PTK2: variants seen among roughly 807,000 people sequenced by gnomAD.
PTK2 encodes the protein protein tyrosine kinase 2.
PTK2 carries 45 observed loss-of-function variants against 150.1 expected under a neutral mutation model. The observed-to-expected ratio is 0.30, with a 90% CI of 0.24 to 0.38. The LOEUF (loss-of-function observed/expected upper bound fraction) is 0.38. Among genes scored for constraint, PTK2 ranks in the 10% least tolerant of loss-of-function variants. PTK2 has a pLI of 1.00. For missense variants in PTK2, 919 were observed against 1,307.3 expected (o/e 0.70, Z 4.58); for synonymous variants, 432 against 449.2 (o/e 0.96, Z 0.48).
chr8:140,670,479 A>AAC (rs2094913718), intron 29 of PTK2, among the ~76,000 whole-genome samples: 1 of 59,714 alleles, frequency 1.7e-5, no homozygotes, highest in African/African-American at 5.6e-5. Flanking sequence ...AAAAAAAAAA[A>AAC]AAAACAACAA....
chr8:140,883,826 G>A (rs1048507681), intron 3 of PTK2, among the ~76,000 whole-genome samples: 3 of 151,772 alleles, frequency 2.0e-5, no homozygotes, highest in Non-Finnish European at 4.4e-5. Context: ...ACAAACTTGG[G>A]AGCTTAAAAC....
chr8:140,748,782 T>C (rs1356442957), intron 17 of PTK2, among the ~76,000 whole-genome samples: 4 of 152,194 alleles, frequency 2.6e-5, no homozygotes, highest in Non-Finnish European at 5.9e-5. Context: ...AGAAGGTTAC[T>C]TGTACAGTAT....
At chr8:140,853,790 G>A (rs2100130856) in intron 5 of PTK2, among the ~76,000 whole-genome samples, 1 of 152,184 alleles carries the variant, frequency 6.6e-6, no homozygotes, top group South Asian at 2.1e-4. Context: ...TCTAATAAGA[G>A]AGTTAGACTA....
chr8:140,779,272 A>G (rs2100080306), intron 14 of PTK2, among the ~76,000 whole-genome samples: 1 of 151,446 alleles, frequency 6.6e-6, no homozygotes, highest in African/African-American at 2.4e-5. Flanking sequence ...AAAAAAAAAA[A>G]AGAAGACATG....
Position 140,783,805 on chromosome 8 carries a change from C to T in PTK2, c.1177+5669G>A, listed in dbSNP as rs73371824. Among the ~76,000 whole-genome samples the T allele has an allele frequency of 2.8e-3, 426 of 152,214 alleles. 4 individuals carry two copies. The highest frequency in any genetic ancestry group is 0.02 in the Middle Eastern group (6 of 294). On this transcript the variant is annotated intron_variant, in intron 14 of 31. Transcript: ENST00000522684. ...GGAAATTATGTTGCATGATAAACAA[C>T]TGAACCAAAATAATGTTAGAAAATT... is the stretch of plus-strand genomic sequence containing the variant.
intron 31 of PTK2, 38 bp from the exon 36 acceptor site, chr8:140,659,716 G>A (rs2076697069): frequency 6.7e-7 from 1 of 1,485,352 alleles, no homozygotes; most frequent in Non-Finnish European, 9.0e-7. Flanking sequence ...ACTGTTTTCA[G>A]TGATTTTTTT....
intron 4 of PTK2, 191 bp downstream of exon 4, chr8:140,879,280 T>C: frequency 1.9e-6 from 1 of 516,798 alleles, no homozygotes; most frequent in Non-Finnish European, 3.1e-6. Context: ...GTATAATTAA[T>C]AATACCCAAA....
At chr8:140,892,425 A>T (rs1335517542) in intron 2 of PTK2, among the ~76,000 whole-genome samples, 2 of 152,026 alleles carry the variant, frequency 1.3e-5, no homozygotes, top group African/African-American at 2.4e-5. Flanking sequence ...GGTCCCAGCT[A>T]CTTGGGAGGC....
intron 22 of PTK2, among the ~76,000 whole-genome samples, chr8:140,729,651 T>C (rs2100048048): frequency 1.3e-5 from 2 of 152,234 alleles, no homozygotes; most frequent in Non-Finnish European, 2.9e-5. Context: ...AGGAATTCTC[T>C]GTAATAGTAT....
rs778981723 is a variant in PTK2 at position 140,803,005 on chromosome 8, C to CTTTTTTTTT, written c.975+529_975+537dup. 1.0e-3 allele frequency among the ~76,000 whole-genome samples: 77 copies of CTTTTTTTTT among 77,362 alleles called. 6 individuals are homozygous for CTTTTTTTTT. Among genetic ancestry groups the CTTTTTTTTT allele is most frequent in the African/African-American group, 3.5e-3 (70 of 20,258 alleles). 50.8% of individuals were successfully genotyped at this position (77,362 alleles called of 152,430 possible). Reference sequence around the variant, plus strand: ...AATTTCCTTGGTACTTGATGACAATCTTTTTTTTTTTTTTTTTTTTTTTTT... The same window carrying CTTTTTTTTT: ...AATTTCCTTGGTACTTGATGACAATCTTTTTTTTTTTTTTTTTTTTTTTTTTTTTTTTTT... On this transcript the variant is annotated intron_variant, in intron 11 of 31. Coordinates refer to ENST00000522684, the Ensembl canonical transcript of PTK2.
At chr8:140,751,999 A>T (rs1473162399) in intron 17 of PTK2, 4 of 674,520 alleles carry the variant, frequency 5.9e-6, no homozygotes, top group South Asian at 2.8e-5. Flanking sequence ...TAAGTACCAA[A>T]GTATAAAGTA....
intron 4 of PTK2, among the ~76,000 whole-genome samples, chr8:140,870,036 G>GA (rs1002321677): frequency 3.3e-5 from 5 of 152,004 alleles, no homozygotes; most frequent in African/African-American, 1.2e-4. Context: ...CGATAAGCTT[G>GA]AAAAAATGTA....
intron 5 of PTK2, among the ~76,000 whole-genome samples, chr8:140,848,303 A>C (rs917743199): frequency 1.3e-5 from 2 of 152,152 alleles, no homozygotes; most frequent in African/African-American, 4.8e-5. Flanking sequence ...TTTACTCATT[A>C]TTTTCTCTTA....
rs1157194751 is a variant in PTK2, at chr8:140,781,278, T to C, written c.1177+8196A>G. ...TGGTAAGATGATGATACTTGGGCTT[T>C]TTGTGTTTTAATAATATATTTTTTT... is the stretch of plus-strand genomic sequence containing the variant. On this transcript the variant is annotated intron_variant, in intron 14 of 31. Transcript: ENST00000522684. Among the ~76,000 whole-genome samples, 3 of 152,188 alleles carry C rather than the reference T, an allele frequency of 2.0e-5. No homozygotes were observed. The East Asian group carries it at 5.8e-4, about 29-fold the overall frequency.
chr8:140,662,280 G>GAGAC (rs1446735085), intron 31 of PTK2, among the ~76,000 whole-genome samples: 3 of 151,180 alleles, frequency 2.0e-5, no homozygotes, highest in African/African-American at 7.3e-5. Flanking sequence ...CTGGGTGACA[G>GAGAC]AGACAGACCC....
chr8:140,674,352 C>T, exon 29 of PTK2: 1 of 1,608,056 alleles, frequency 6.2e-7, no homozygotes, highest in Non-Finnish European at 8.5e-7. Context: ...CAAGGCTTCC[C>T]AGATGACCGG....
intron 1 of PTK2, among the ~76,000 whole-genome samples, chr8:140,980,071 A>G (rs2100190836): frequency 6.6e-6 from 1 of 152,190 alleles, no homozygotes; most frequent in African/African-American, 2.4e-5. Flanking sequence ...TAACTCAGCA[A>G]TCACACTCCT....
At chr8:140,808,815 A>C (rs10094745) in intron 10 of PTK2, among the ~76,000 whole-genome samples, 3,566 of 144,650 alleles carry the variant, frequency 0.025, 151 homozygotes, top group African/African-American at 0.09. Flanking sequence ...AGCTCACTGC[A>C]ATCTCCACCT....
At chr8:140,727,381 A>G (rs1350831785) in intron 22 of PTK2, among the ~76,000 whole-genome samples, 2 of 152,130 alleles carry the variant, frequency 1.3e-5, no homozygotes, top group Admixed American at 1.3e-4. Context: ...CAGAACACAA[A>G]CAAAAAACTC....
Sources: allele counts gnomAD v4.1 joint callset (sites outside exome capture counted in the v4.1 genomes callset), GRCh38; gene constraint gnomAD v4.1.1; transcripts MANE v1.5; gene names NCBI Gene and HGNC (gene_info 2026-07-23, HGNC 2026-07-21).